Variants in KIF17 observed in about 807,000 individuals in gnomAD.
KIF17 encodes the protein kinesin family member 17.
In KIF17, 80 loss-of-function variants were observed where a neutral mutation model predicts 96.8. The observed-to-expected ratio is 0.83, with a 90% CI of 0.69 to 1.00. The LOEUF is 1.00. Ranked by LOEUF, KIF17 falls within the 50% of genes least tolerant of loss-of-function variation. The pLI is 0.00. For missense variants in KIF17, 1,280 were observed against 1,372.9 expected (o/e 0.93, Z 1.07); for synonymous variants, 567 against 587.5 (o/e 0.97, Z 0.51).
chr1:20,673,945 TA>T (rs1465413275), intron 11 of KIF17, among the ~76,000 whole-genome samples: 1 of 151,902 alleles, frequency 6.6e-6, no homozygotes, highest in Non-Finnish European at 1.5e-5. Flanking sequence ...GTTATTTTTT[TA>T]GAGACAGGGT....
At chr1:20,717,323 G>A (rs2154538159) in intron 1 of KIF17, 153 bp downstream of exon 1, 5 of 780,180 alleles carry the variant, frequency 6.4e-6, no homozygotes, top group African/African-American at 3.5e-5. Flanking sequence ...GTTGTGTCCC[G>A]CCTGGACAAA....
intron 6 of KIF17, among the ~76,000 whole-genome samples, chr1:20,695,372 GA>G (rs1160186238): frequency 1.3e-5 from 2 of 152,144 alleles, no homozygotes; most frequent in African/African-American, 4.8e-5. Context: ...ATTTGTAGTA[GA>G]GACGGGGTTT....
intron 5 of KIF17, 83 bp from the exon 6 acceptor site, chr1:20,698,571 C>G (rs2054183269): frequency 2.3e-6 from 2 of 878,198 alleles, no homozygotes; most frequent in Non-Finnish European, 3.7e-6. Flanking sequence ...AAAAGACGAC[C>G]TCATGGTCAT....
intron 11 of KIF17, among the ~76,000 whole-genome samples, chr1:20,678,393 A>C (rs557381971): frequency 6.6e-6 from 1 of 152,292 alleles, no homozygotes; most frequent in South Asian, 2.1e-4. Flanking sequence ...ACATACGTAC[A>C]TATTTCCTTA....
intron 13 of KIF17, among the ~76,000 whole-genome samples, chr1:20,669,913 A>G (rs1410068163): frequency 1.6e-5 from 2 of 126,790 alleles, no homozygotes; most frequent in Non-Finnish European, 3.3e-5. Flanking sequence ...AACAACCACC[A>G]CCACCCATGC....
chr1:20,696,812 T>C (rs1269145329), intron 6 of KIF17, among the ~76,000 whole-genome samples: 16 of 152,038 alleles, frequency 1.1e-4, no homozygotes, highest in Admixed American at 1.0e-3. Flanking sequence ...CAGGCTGACT[T>C]CTCTGGTTTC....
Position 20,710,191 on chromosome 1 carries a change from A to G in KIF17, c.481-363T>C, listed in dbSNP as rs116797836. ...CCTAAGTGCCCCATAGATGCCAGCC[A>G]CTGTCTGTGCTGTTGTTGTTAGTGC... On this transcript the variant is annotated intron_variant, in intron 3 of 14. Transcript: ENST00000400463. 4.7e-3 allele frequency among the ~76,000 whole-genome samples: 718 copies of G among 152,318 alleles called. 3 individuals are homozygous for G. The highest frequency in any genetic ancestry group is 0.017 in the African/African-American group (690 of 41,578).
chr1:20,664,875 C>T, intron 14 of KIF17, 113 bp from the exon 15 acceptor site: 1 of 989,168 alleles, frequency 1.0e-6, no homozygotes, highest in East Asian at 2.6e-5. Flanking sequence ...CCCCCCTGCC[C>T]AGCCAGAGGC....
At chr1:20,663,190 C>T (rs1443537628), downstream of KIF17, among the ~76,000 whole-genome samples, 13 of 152,158 alleles carry the variant, frequency 8.5e-5, no homozygotes, top group Non-Finnish European at 1.0e-4. Flanking sequence ...CCCGCTGCTG[C>T]ACTCCAGCCT....
chr1:20,715,645 T>A lies in KIF17; in HGVS notation c.232-6A>T, dbSNP rs763374145. On this transcript the variant is annotated splice_region_variant and splice_polypyrimidine_tract_variant and intron_variant, in intron 1 of 14. Transcript: ENST00000400463. ...TTGTAGCCCTCAGTGACGCCCTGCA[T>A]GGGAGGAAGGCAGGACCCCGTGCTC... 4 of 1,613,776 alleles carry A rather than the reference T, an allele frequency of 2.5e-6. No individual in the cohort carries two copies. The South Asian group carries it at 4.4e-5, about 18-fold the overall frequency.
At chr1:20,671,895 G>A (rs374573934) in intron 12 of KIF17, 43 bp downstream of exon 12, 21 of 1,603,578 alleles carry the variant, frequency 1.3e-5, no homozygotes, top group East Asian at 4.5e-5. Context: ...ATGGTAAGCC[G>A]TGAAGGAGGG....
chr1:20,669,537 A>AAATAAT (rs71585778), intron 13 of KIF17, among the ~76,000 whole-genome samples: 33,836 of 120,598 alleles, frequency 0.28, 5,377 homozygotes, highest in East Asian at 0.36. Flanking sequence ...CTCTGTCTCG[A>AAATAAT]AATAATAATA....
At chr1:20,679,102 A>G (rs1466584160) in intron 11 of KIF17, among the ~76,000 whole-genome samples, 1 of 151,692 alleles carries the variant, frequency 6.6e-6, no homozygotes, top group Non-Finnish European at 1.5e-5. Context: ...ATTTGAACTC[A>G]GGAGTTCGAG....
chr1:20,666,076 C>A lies in KIF17; in HGVS notation c.2908+138G>T, dbSNP rs368704136. 5.2e-6 allele frequency: 4 copies of A among 764,824 alleles called. 1 individual carries two copies. The South Asian group carries it at 5.8e-5, about 11-fold the overall frequency. The allele number at this position is 764,824 out of a possible 1,614,324, so 47.4% of individuals were successfully genotyped here. A position where few individuals can be genotyped will look rare whatever the true frequency, so the allele number is the denominator to read the frequency against. On this transcript the variant is annotated intron_variant, in intron 14 of 14. Transcript: ENST00000400463. ...ATCCTAAGAAGTTGGTGTTACCCCC[C>A]TCATTTTGTAGCTAAGGAAACTGAG...
chr1:20,708,469 C>G (rs574063471), intron 4 of KIF17, among the ~76,000 whole-genome samples: 1 of 152,252 alleles, frequency 6.6e-6, no homozygotes, highest in East Asian at 1.9e-4. Context: ...AATTCCTGAC[C>G]CTGATCCCTG....
chr1:20,684,899 G>C lies in KIF17; in HGVS notation c.2141C>G (p.Ala714Gly), dbSNP rs2053907781. 1.9e-6 allele frequency: 3 copies of C among 1,596,988 alleles called. No individual in the cohort carries two copies. The highest frequency in any genetic ancestry group is 3.3e-4 in the Middle Eastern group (2 of 6,024). ...GCCCACGCTCTCCCTCTTCACACCA[G>C]CTGTGGCCGGCAGGGGCTCAGGCTG... ...VAQPEPLPAT[A>G]GVKRESVGME... The change falls in exon 10 of 15, where the codon GCT becomes GGT. Residue 714 changes from alanine to glycine, a missense_variant. Ala to Gly is a moderately conservative substitution (Grantham distance 60, BLOSUM62 0). Coordinates refer to ENST00000400463, the MANE Select transcript of KIF17 (RefSeq NM_001122819.3).
chr1:20,702,325 A>G (rs2054252350), intron 5 of KIF17, among the ~76,000 whole-genome samples: 1 of 150,496 alleles, frequency 6.6e-6, no homozygotes, highest in Non-Finnish European at 1.5e-5. Flanking sequence ...TCCAGGGAGA[A>G]GGGATGCTAA....
In KIF17 at chr1:20,682,745, C is replaced by T; in HGVS notation, c.2371G>A (p.Asp791Asn). 1 of 1,613,444 alleles carries T rather than the reference C, an allele frequency of 6.2e-7. No individual in the cohort carries two copies. The highest frequency in any genetic ancestry group is 8.5e-7 in the Non-Finnish European group (1 of 1,180,046). The stretch of plus-strand genomic sequence containing the variant: ...TTAAGCAGCACCCAGTCCCCGCTGT[C>T]CTCATCCGAGTTCTGCAGGGCAGCC... ...LVAALQNSDE[D>N]SGDWVLLNVY... Residue 791 changes from aspartate (D) to asparagine (N), a missense_variant, in exon 11 of 15, where the codon GAC becomes AAC. Physicochemically the swap from Asp to Asn is conservative, Grantham distance 23. Coordinates refer to ENST00000400463, the MANE Select transcript of KIF17 (RefSeq NM_001122819.3).
At chr1:20,665,122 A>C (rs2053501795) in intron 14 of KIF17, among the ~76,000 whole-genome samples, 1 of 151,198 alleles carries the variant, frequency 6.6e-6, no homozygotes, top group Non-Finnish European at 1.5e-5. Context: ...CTCATCTGCA[A>C]CATGGGCACA....
Sources: allele counts gnomAD v4.1 joint callset (sites outside exome capture counted in the v4.1 genomes callset), GRCh38; gene constraint gnomAD v4.1.1; transcripts MANE v1.5; gene names NCBI Gene and HGNC (gene_info 2026-07-23, HGNC 2026-07-21).